Variants in KIF2A observed in about 807,000 individuals in gnomAD.
The protein encoded by KIF2A is kinesin-like protein KIF2A.
Under a neutral mutation model 100.2 loss-of-function variants are expected in KIF2A, and 22 were observed. The ratio of observed to expected loss-of-function variants is 0.22; its 90% CI spans 0.16 to 0.31. KIF2A has a LOEUF of 0.31. Ranked by LOEUF, KIF2A falls within the 10% of genes least tolerant of loss-of-function variation. The pLI, the probability that KIF2A is intolerant of heterozygous loss-of-function variation, is 1.00. For missense variants in KIF2A, 495 were observed against 898.7 expected, an observed-to-expected ratio of 0.55 and a Z score of 5.74; for synonymous variants, 268 against 285.9, an observed-to-expected ratio of 0.94 and a Z score of 0.63.
At chr5:62,364,301 C>T (rs1201817285) in intron 14 of KIF2A, among the ~76,000 whole-genome samples, 1 of 152,128 alleles carries the variant, frequency 6.6e-6, no homozygotes, top group Non-Finnish European at 1.5e-5. Context: ...GCACGCACCA[C>T]CACACCCAGC....
chr5:62,334,429 T>A (rs982573973), intron 1 of KIF2A, among the ~76,000 whole-genome samples: 4 of 151,684 alleles, frequency 2.6e-5, no homozygotes, highest in Admixed American at 2.6e-4. Flanking sequence ...ACTATCTCCC[T>A]CTTCCTTGGC....
intron 19 of KIF2A, among the ~76,000 whole-genome samples, chr5:62,377,980 C>T (rs897976491): frequency 8.5e-5 from 13 of 152,170 alleles, no homozygotes; most frequent in Non-Finnish European, 1.8e-4. Flanking sequence ...ACTTTATTTA[C>T]CTCCCGTCCC....
chr5:62,306,772 A>G (rs1282203884), intron 1 of KIF2A, among the ~76,000 whole-genome samples: 1 of 150,716 alleles, frequency 6.6e-6, no homozygotes, highest in African/African-American at 2.5e-5. Context: ...GGGTGGGGAA[A>G]GGGCCCGGGT....
chr5:62,332,657 C>G (rs1304456797), intron 1 of KIF2A, among the ~76,000 whole-genome samples: 3 of 151,764 alleles, frequency 2.0e-5, no homozygotes, highest in Non-Finnish European at 4.4e-5. Context: ...TTTTTTAGGT[C>G]AAATGGTTGA....
In KIF2A at chr5:62,306,379, C is replaced by T; in HGVS notation, c.-94C>T. On this transcript the variant is annotated 5_prime_UTR_variant, in exon 1 of 21. Coordinates refer to ENST00000407818, the MANE Select transcript of KIF2A (RefSeq NM_001098511.3). Reference sequence around the variant, plus strand: ...CCGGGCCGGCGCGGCCGCGGGCAACCGCTCCCCCTCCCACACCTACCCCGC... The same window carrying T: ...CCGGGCCGGCGCGGCCGCGGGCAACTGCTCCCCCTCCCACACCTACCCCGC... The T allele has an allele frequency of 1.0e-6, 1 of 977,848 alleles. No individual in the cohort carries two copies. Among genetic ancestry groups the T allele is most frequent in the Non-Finnish European group, 1.5e-6 (1 of 650,444 alleles). The allele number at this position is 977,848 out of a possible 1,614,324, so 60.6% of individuals were successfully genotyped here.
intron 9 of KIF2A, among the ~76,000 whole-genome samples, chr5:62,359,694 T>C (rs7729719): frequency 0.13 from 20,538 of 152,154 alleles, 1,619 homozygotes; most frequent in East Asian, 0.25. Flanking sequence ...GTGTGTATGA[T>C]TTAGTAAACA....
At chr5:62,371,087 C>A (rs188339233) in intron 16 of KIF2A, among the ~76,000 whole-genome samples, 1 of 151,852 alleles carries the variant, frequency 6.6e-6, no homozygotes, top group East Asian at 1.9e-4. Context: ...AGCAACCTAA[C>A]GAGACCTCAT....
intron 9 of KIF2A, 133 bp downstream of exon 9, chr5:62,358,432 G>A: frequency 1.7e-6 from 1 of 583,548 alleles, no homozygotes; most frequent in South Asian, 2.7e-5. Flanking sequence ...TAAACAAAGA[G>A]AATGTAATAA....
chr5:62,337,890 A>G (rs1747055731), intron 1 of KIF2A, among the ~76,000 whole-genome samples: 1 of 152,124 alleles, frequency 6.6e-6, no homozygotes, highest in Non-Finnish European at 1.5e-5. Context: ...ATAAAAATCC[A>G]GAACAAAACA....
intron 1 of KIF2A, among the ~76,000 whole-genome samples, chr5:62,343,134 C>T (rs1431921443): frequency 6.6e-6 from 1 of 152,192 alleles, no homozygotes; most frequent in East Asian, 1.9e-4. Flanking sequence ...CCAACTCTCT[C>T]ATCTGCTTCT....
chr5:62,361,574 A>G (rs769049405), intron 11 of KIF2A, 45 bp downstream of exon 11: 1 of 1,074,444 alleles, frequency 9.3e-7, no homozygotes, highest in South Asian at 1.3e-5. Context: ...CTTCTGTGGT[A>G]TTATTCAGGT....
At chr5:62,344,063 CG>C (rs1747429877) in intron 1 of KIF2A, among the ~76,000 whole-genome samples, 1 of 151,708 alleles carries the variant, frequency 6.6e-6, no homozygotes, top group Admixed American at 6.6e-5. Flanking sequence ...ATGCAGTTAC[CG>C]GCTGGGCGCA....
chr5:62,308,507 G>A (rs1415168315), intron 1 of KIF2A: 5 of 712,316 alleles, frequency 7.0e-6, no homozygotes, highest in South Asian at 1.5e-5. Context: ...AATGTCCATC[G>A]ATGGGTGAGG....
rs1007897986 is a variant in KIF2A at position 62,306,372 on chromosome 5, G to A, written c.-101G>A. 7.3e-6 allele frequency: 7 copies of A among 965,464 alleles called. No homozygotes were observed. Among genetic ancestry groups the A allele is most frequent in the South Asian group, 1.5e-5 (1 of 66,068 alleles). 59.8% of individuals were successfully genotyped at this position (965,464 alleles called of 1,614,324 possible). ...CTGTCGCCCGGGCCGGCGCGGCCGC[G>A]GGCAACCGCTCCCCCTCCCACACCT... On this transcript the variant is annotated 5_prime_UTR_variant, in exon 1 of 21. Transcript: ENST00000407818.
intron 1 of KIF2A, among the ~76,000 whole-genome samples, chr5:62,338,371 C>T (rs1333541379): frequency 6.6e-6 from 1 of 152,226 alleles, no homozygotes; most frequent in Non-Finnish European, 1.5e-5. Flanking sequence ...TCACTTCAAC[C>T]TCTGCCTCCC....
At chr5:62,350,960 G>A (rs563761466) in intron 4 of KIF2A, among the ~76,000 whole-genome samples, 6 of 151,956 alleles carry the variant, frequency 3.9e-5, no homozygotes, top group South Asian at 2.1e-4. Context: ...GGCTGGGAAC[G>A]GTGGCTCACC....
intron 1 of KIF2A, among the ~76,000 whole-genome samples, chr5:62,320,338 A>G (rs1746035594): frequency 6.6e-6 from 1 of 152,204 alleles, no homozygotes; most frequent in African/African-American, 2.4e-5. Context: ...CATTTTATAC[A>G]TACATGAATA....
chr5:62,310,277 C>G (rs757220493), intron 1 of KIF2A, among the ~76,000 whole-genome samples: 1 of 152,036 alleles, frequency 6.6e-6, no homozygotes, highest in Admixed American at 6.5e-5. Flanking sequence ...TGGTCTCGAA[C>G]TCCTGGCCTC....
chr5:62,347,144 G>A lies in KIF2A; in HGVS notation c.79G>A (p.Ala27Thr). 6.3e-7 allele frequency: 1 copy of A among 1,599,960 alleles called. No individual in the cohort carries two copies. Among genetic ancestry groups the A allele is most frequent in the Non-Finnish European group, 8.5e-7 (1 of 1,170,274 alleles). The change falls in exon 2 of 21, where the codon GCA (alanine) becomes ACA (threonine). Residue 27 changes from alanine (A) to threonine (T), a missense_variant. Around this residue, in one of 10 missense-constraint regions of KIF2A, gnomAD observed 115 missense variants for 143.6 expected, o/e 0.80. Coordinates refer to ENST00000407818, the MANE Select transcript of KIF2A (RefSeq NM_001098511.3). The part of the protein sequence containing the change: ...IKRSDGRIHQ[A>T]MVTSLNEDNE... The stretch of plus-strand genomic sequence containing the variant: ...TTCCCACATAGGCCGAATACATCAA[G>A]CAATGGTAACATCTTTAAATGAAGA...
Sources: allele counts gnomAD v4.1 joint callset (sites outside exome capture counted in the v4.1 genomes callset), GRCh38; gene constraint gnomAD v4.1.1; regional missense constraint gnomAD v4.1.1; transcripts MANE v1.5; gene names NCBI Gene and HGNC (gene_info 2026-07-23, HGNC 2026-07-21).